The following BAZ1B variants were observed in gnomAD, a reference collection of about 807,000 sequenced individuals.
BAZ1B encodes tyrosine-protein kinase BAZ1B.
In BAZ1B, 22 loss-of-function variants were observed where a neutral mutation model predicts 153.8. That is an observed-to-expected ratio of 0.14 (90% CI 0.10 to 0.20). BAZ1B has a LOEUF of 0.20. BAZ1B is among the 10% of genes least tolerant of loss of function. BAZ1B has a pLI of 1.00. For synonymous variants in BAZ1B, 676 were observed against 633.4 expected (o/e 1.07, Z -1.01); for missense variants, 1,325 against 1,799.3 (o/e 0.74, Z 4.77).
At chr7:73,520,944 T>C (rs1231354919) in intron 1 of BAZ1B, among the ~76,000 whole-genome samples, 2 of 151,942 alleles carry the variant, frequency 1.3e-5, no homozygotes, top group African/African-American at 4.8e-5. Flanking sequence ...ACGATTCTTC[T>C]GGCACCCATT....
At chr7:73,451,064 G>T (rs1190075605) in intron 13 of BAZ1B, 70 bp from the exon 14 acceptor site, 4 of 1,561,388 alleles carry the variant, frequency 2.6e-6, no homozygotes, top group Non-Finnish European at 3.5e-6. Flanking sequence ...CTAGGAACAG[G>T]GGACAGTATG....
chr7:73,498,521 CCT>C lies in BAZ1B; in HGVS notation c.545_546del (p.Glu182GlyfsTer2), dbSNP rs1554576661. On this transcript the variant is annotated frameshift_variant, in exon 4 of 20. Transcript: ENST00000339594. LOFTEE classifies it high-confidence loss of function. ...CTAATACTCTCTCTCCTTCCTTCAT[CCT>C]CTTTCACAACTGTCTCCTTCTTCTG... is the stretch of plus-strand genomic sequence containing the variant. ...DHQKKETVVK[E>X]DEGRRESIND... 6.2e-7 allele frequency: 1 copy of C among 1,613,984 alleles called. No individual in the cohort carries two copies. The highest frequency in any genetic ancestry group is 8.5e-7 in the Non-Finnish European group (1 of 1,179,932).
In BAZ1B at chr7:73,450,179, C is replaced by A. The variant is rs1364718098; in HGVS notation, c.3581-490G>T. On this transcript the variant is annotated intron_variant, in intron 14 of 19. Transcript: ENST00000339594. This position sits in a 1 kb window ranked among gnomAD's most constrained non-coding sequence, Gnocchi z 4.1. ...TCTCCTGCTTCAGCCTCCCAAAGTG[C>A]TGGGATTACAGGCGTGAGCCACCGC... 6.6e-6 allele frequency among the ~76,000 whole-genome samples: 1 copy of A among 152,130 alleles called. No homozygotes were observed.
chr7:73,497,610 G>A (rs114772596), intron 4 of BAZ1B, among the ~76,000 whole-genome samples: 466 of 151,868 alleles, frequency 3.1e-3, no homozygotes, highest in African/African-American at 0.01. Flanking sequence ...TACTCAGTTC[G>A]TCTCTGAGTT....
intron 7 of BAZ1B, among the ~76,000 whole-genome samples, chr7:73,473,179 A>T (rs1247613769): frequency 2.6e-5 from 4 of 152,124 alleles, no homozygotes; most frequent in Non-Finnish European, 4.4e-5. Flanking sequence ...TGACCTCGTG[A>T]TCTGCCTGCC....
chr7:73,482,209 C>T (rs1789229773), intron 6 of BAZ1B, among the ~76,000 whole-genome samples: 1 of 152,178 alleles, frequency 6.6e-6, no homozygotes, highest in Non-Finnish European at 1.5e-5. Context: ...ATTCTAGTTT[C>T]CCAGAACTGT....
chr7:73,462,985 A>C lies in BAZ1B; in HGVS notation c.3186T>G (p.Val1062=). 1 of 1,614,072 alleles carries C rather than the reference A, an allele frequency of 6.2e-7. No individual in the cohort carries two copies. The highest frequency in any genetic ancestry group is 1.3e-5 in the African/African-American group (1 of 75,034). Residue 1062 remains valine (V), a synonymous_variant, in exon 12 of 20, where the codon GTT becomes GTG. Transcript: ENST00000339594. ...LNFLRSDLIE[V]ATRLQKGGLG... is the part of the protein sequence containing the mutation. ...GTCCTCCTTTTTGTAACCTTGTTGC[A>C]ACTTCAATGAGATCACTACGAAGGA...
intron 6 of BAZ1B, among the ~76,000 whole-genome samples, chr7:73,484,312 TAGAC>T (rs1158399182): frequency 0.06 from 8,913 of 149,184 alleles, 276 homozygotes; most frequent in Non-Finnish European, 0.073. Context: ...GATAGATAGA[TAGAC>T]AGACAGACAG....
chr7:73,501,506 A>G lies in BAZ1B; in HGVS notation c.370-2808T>C, dbSNP rs376329616. Reference sequence around the variant, plus strand: ...TCCCCGAGACATATGGCAATGTCTGATTTTCACAGCTGAGAGGGTGCTACT... The same window carrying G: ...TCCCCGAGACATATGGCAATGTCTGGTTTTCACAGCTGAGAGGGTGCTACT... On this transcript the variant is annotated intron_variant, in intron 3 of 19. Transcript: ENST00000339594. Among the ~76,000 whole-genome samples, 10 of 152,070 alleles carry G rather than the reference A, an allele frequency of 6.6e-5. No homozygotes were observed. In the East Asian group the frequency reaches 1.9e-3, roughly 29 times the overall value.
intron 1 of BAZ1B, among the ~76,000 whole-genome samples, chr7:73,518,141 T>C (rs2115622583): frequency 6.6e-6 from 1 of 151,888 alleles, no homozygotes; most frequent in Admixed American, 6.6e-5. Flanking sequence ...GTGGCTCACG[T>C]CTGTAATCCC....
At chr7:73,444,815 G>C (rs1308399595) in intron 16 of BAZ1B, among the ~76,000 whole-genome samples, 1 of 152,146 alleles carries the variant, frequency 6.6e-6, no homozygotes, top group Non-Finnish European at 1.5e-5. Context: ...GGGAGTTCAA[G>C]ACCAGCCTGA....
chr7:73,520,905 TTTG>T (rs1231508268), intron 1 of BAZ1B, among the ~76,000 whole-genome samples: 2 of 152,204 alleles, frequency 1.3e-5, no homozygotes, highest in Non-Finnish European at 2.9e-5. Flanking sequence ...CGAAATCGTT[TTTG>T]TTTTTTTTAC....
At chr7:73,508,617 A>G in intron 2 of BAZ1B, 146 bp from the exon 3 acceptor site, 1 of 934,338 alleles carries the variant, frequency 1.1e-6, no homozygotes, top group Non-Finnish European at 1.6e-6. Context: ...GCAGTGGCAC[A>G]ATCATAGCTC....
rs1554580276 is a variant in BAZ1B at position 73,521,829 on chromosome 7, C to G, written c.105G>C (p.Arg35=). The G allele has an allele frequency of 1.3e-6, 2 of 1,497,634 alleles. No homozygotes were observed. The highest frequency in any genetic ancestry group is 1.8e-6 in the Non-Finnish European group (2 of 1,118,492). 92.8% of individuals were successfully genotyped at this position (1,497,634 alleles called of 1,614,324 possible). The change falls in exon 1 of 20, where the codon CGG becomes CGC. Residue 35 remains arginine, a splice_region_variant and synonymous_variant. Transcript: ENST00000339594. ...IPHTQEAFRT[R]EEYEARLERY... is the part of the protein sequence containing the mutation. ...CCCGCGCGGCTGGAAAAGGATACTC[C>G]CGGGTGCGGAAGGCCTCCTGAGTGT...
intron 1 of BAZ1B, among the ~76,000 whole-genome samples, chr7:73,520,733 G>A (rs181901896): frequency 8.1e-4 from 123 of 152,284 alleles, no homozygotes; most frequent in Middle Eastern, 3.4e-3. Context: ...TTAAAGTGAG[G>A]ATCAGGGAGA....
chr7:73,470,827 C>T (rs1290111156), intron 7 of BAZ1B, among the ~76,000 whole-genome samples: 2 of 152,120 alleles, frequency 1.3e-5, no homozygotes, highest in Non-Finnish European at 2.9e-5. Context: ...CCTCTGCCTC[C>T]TGGGTTCAAG....
Position 73,478,327 on chromosome 7 carries a change from C to A in BAZ1B, c.1134G>T (p.Leu378=). The A allele has an allele frequency of 6.2e-7, 1 of 1,614,018 alleles. No homozygotes were observed. Among genetic ancestry groups the A allele is most frequent in the Non-Finnish European group, 8.5e-7 (1 of 1,180,008 alleles). The change falls in exon 7 of 20, where the codon CTG becomes CTT. Residue 378 remains leucine (L), a synonymous_variant. Transcript: ENST00000339594. ...TTTTAGGAATGTGAAAGTTAGTGTG[C>A]AGCTTATTGGGCGACATCATCTTCA... is the stretch of plus-strand genomic sequence containing the variant. ...EMMKMMSPNK[L]HTNFHIPKKG...
intron 3 of BAZ1B, among the ~76,000 whole-genome samples, chr7:73,502,878 T>C (rs1563397697): frequency 6.6e-6 from 1 of 152,176 alleles, no homozygotes; most frequent in Non-Finnish European, 1.5e-5. Context: ...ATAACAAACA[T>C]TCTGAGTTAG....
At chr7:73,491,896 T>G (rs111882331) in intron 5 of BAZ1B, among the ~76,000 whole-genome samples, 54 of 152,296 alleles carry the variant, frequency 3.5e-4, no homozygotes, top group African/African-American at 1.2e-3. Flanking sequence ...TAATCCACCT[T>G]TCTAAGATTC....
Sources: allele counts gnomAD v4.1 joint callset (sites outside exome capture counted in the v4.1 genomes callset), GRCh38; gene constraint gnomAD v4.1.1; non-coding constraint Gnocchi (gnomAD v3.1); transcripts MANE v1.5; gene names NCBI Gene and HGNC (gene_info 2026-07-23, HGNC 2026-07-21).